Variants in TDRD7 observed in about 807,000 individuals in gnomAD.
TDRD7 encodes the protein tudor domain-containing protein 7.
Under a neutral mutation model 109.8 loss-of-function variants are expected in TDRD7, and 47 were observed. That is an observed-to-expected ratio of 0.43 (90% CI 0.34 to 0.55). The LOEUF is 0.55. TDRD7 is among the 20% of genes least tolerant of loss of function. The pLI is 0.03. For synonymous variants in TDRD7, 424 were observed against 457.3 expected (o/e 0.93, Z 0.93); for missense variants, 1,164 against 1,319.2 (o/e 0.88, Z 1.82).
At chr9:97,472,257 A>G (rs1440976569) in intron 9 of TDRD7, 36 bp from the exon 10 acceptor site, 3 of 1,567,764 alleles carry the variant, frequency 1.9e-6, no homozygotes, top group Admixed American at 1.7e-5. Context: ...TGATTTTTCT[A>G]ATTAAGTAGA....
chr9:97,420,502 G>A (rs182736538), intron 1 of TDRD7, among the ~76,000 whole-genome samples: 15 of 152,150 alleles, frequency 9.9e-5, no homozygotes, highest in East Asian at 7.7e-4. Context: ...CTGTAGTTTC[G>A]CCTTTTCCAG....
intron 16 of TDRD7, among the ~76,000 whole-genome samples, chr9:97,490,404 G>A (rs930010727): frequency 2.4e-4 from 36 of 152,124 alleles, no homozygotes; most frequent in African/African-American, 7.7e-4. Flanking sequence ...TGAAAAGTCA[G>A]ATGCTTCTCT....
At position 97,431,026 on chromosome 9, in the gene TDRD7, G is replaced by A. The variant is rs1828095983; in HGVS notation, c.301G>A (p.Val101Ile). The A allele has an allele frequency of 1.2e-6, 2 of 1,613,956 alleles. No individual in the cohort carries two copies. Among genetic ancestry groups the A allele is most frequent in the Non-Finnish European group, 1.7e-6 (2 of 1,179,880 alleles). ...RSSKRKTGRQ[V>I]NCQMRVKKTM... ...TTCTAAAAGGAAAACCGGGCGTCAA[G>A]TTAATTGTCAGATGAGAGTGAAGAA... Residue 101 changes from valine to isoleucine, a missense_variant, in exon 3 of 17, where the codon GTT (valine) becomes ATT (isoleucine). By Grantham distance (29) the Val-to-Ile change is conservative. Coordinates refer to ENST00000355295, the MANE Select transcript of TDRD7 (RefSeq NM_014290.3).
chr9:97,479,283 A>G (rs984879931), intron 13 of TDRD7, among the ~76,000 whole-genome samples: 17 of 151,982 alleles, frequency 1.1e-4, no homozygotes, highest in Admixed American at 3.3e-4. Context: ...TCCCATCACC[A>G]TTGCTTTTTC....
chr9:97,475,238 C>G (rs1430967633), intron 11 of TDRD7, 145 bp from the exon 12 acceptor site: 7 of 713,592 alleles, frequency 9.8e-6, no homozygotes, highest in East Asian at 2.7e-5. Context: ...GTTTTATAAC[C>G]CTGTGTGTTT....
At chr9:97,475,269 T>C (rs1828998363) in intron 11 of TDRD7, 114 bp from the exon 12 acceptor site, 2 of 802,734 alleles carry the variant, frequency 2.5e-6, no homozygotes, top group Non-Finnish European at 4.3e-6. Flanking sequence ...TTGCTGGAAG[T>C]CTGACTACAT....
rs753208423 is a variant in TDRD7, at chr9:97,464,849, G to A, written c.1450G>A (p.Gly484Ser). 1 of 1,614,074 alleles carries A rather than the reference G, an allele frequency of 6.2e-7. No homozygotes were observed. The highest frequency in any genetic ancestry group is 1.1e-5 in the South Asian group (1 of 91,078). The change falls in exon 8 of 17, where the codon GGC (glycine) becomes AGC (serine). Residue 484 changes from glycine to serine, a missense_variant. This residue lies in a region of TDRD7 where 261 missense variants were observed against 336.2 expected (regional missense o/e 0.78). Transcript: ENST00000355295. ...TTCTTTTAACTGATTCAGGTATGTG[G>A]GCAAAGACTATTCTGCTGCTCAGGA... ...NTNEVVIRYV[G>S]KDYSAAQELM...
chr9:97,465,837 C>T (rs1214060592), intron 8 of TDRD7, among the ~76,000 whole-genome samples: 1 of 151,966 alleles, frequency 6.6e-6, no homozygotes. Flanking sequence ...TCTTTTCTTT[C>T]TCGATTGTTA....
intron 5 of TDRD7, 130 bp from the exon 6 acceptor site, chr9:97,441,528 C>A: frequency 1.3e-6 from 1 of 768,236 alleles, no homozygotes; most frequent in Non-Finnish European, 2.2e-6. Flanking sequence ...CCTAATCCTG[C>A]TCCCTTCTAA....
chr9:97,418,363 T>C (rs1472303995), intron 1 of TDRD7, among the ~76,000 whole-genome samples: 1 of 151,902 alleles, frequency 6.6e-6, no homozygotes, highest in East Asian at 1.9e-4. Context: ...GGGCAAAGGA[T>C]AGAACAATTA....
chr9:97,467,960 G>C (rs1294936715), intron 8 of TDRD7, among the ~76,000 whole-genome samples: 1 of 152,220 alleles, frequency 6.6e-6, no homozygotes, highest in African/African-American at 2.4e-5. Context: ...ATAAGCTACT[G>C]GGTTTGGGGC....
chr9:97,472,109 CATTAT>C (rs1828926904), intron 9 of TDRD7, among the ~76,000 whole-genome samples, 179 bp from the exon 10 acceptor site: 1 of 151,994 alleles, frequency 6.6e-6, no homozygotes, highest in Admixed American at 6.6e-5. Context: ...AGGGCGTTTA[CATTAT>C]ATTTTTTTAA....
At chr9:97,414,189 T>C (rs756383313) in intron 1 of TDRD7, among the ~76,000 whole-genome samples, 11 of 152,250 alleles carry the variant, frequency 7.2e-5, no homozygotes, top group South Asian at 4.1e-4. Context: ...CTCTGTACTT[T>C]TGAAAGCTTC....
intron 2 of TDRD7, among the ~76,000 whole-genome samples, chr9:97,430,691 A>G (rs1828088063): frequency 6.6e-6 from 1 of 152,240 alleles, no homozygotes; most frequent in Non-Finnish European, 1.5e-5. Flanking sequence ...CTTAATACCT[A>G]TTTAAAAATA....
chr9:97,454,447 C>G (rs1275316571), intron 6 of TDRD7, among the ~76,000 whole-genome samples: 1 of 152,212 alleles, frequency 6.6e-6, no homozygotes, highest in Non-Finnish European at 1.5e-5. Context: ...TGCCACTGCA[C>G]TCCAGCCTGG....
intron 4 of TDRD7, among the ~76,000 whole-genome samples, chr9:97,437,229 A>C (rs554602736): frequency 4.6e-5 from 7 of 152,330 alleles, no homozygotes; most frequent in African/African-American, 1.7e-4. Flanking sequence ...AGGGTCTCTC[A>C]TGAGGCTGCT....
In TDRD7 at chr9:97,460,396, C is replaced by G; in HGVS notation, c.1074C>G (p.Ala358=). 1 of 1,614,166 alleles carries G rather than the reference C, an allele frequency of 6.2e-7. No individual in the cohort carries two copies. The highest frequency in any genetic ancestry group is 1.3e-5 in the African/African-American group (1 of 75,038). The part of the protein sequence containing the change: ...LLVKYTSGLW[A]SALPKAFEEM... ...TGAAATACACAAGTGGCCTTTGGGC[C>G]AGTGCACTTCCGAAAGCATTTGAGG... Residue 358 remains alanine, a synonymous_variant, in exon 7 of 17, where the codon GCC becomes GCG. Coordinates refer to ENST00000355295, the MANE Select transcript of TDRD7 (RefSeq NM_014290.3).
chr9:97,467,485 C>G (rs1177478700), intron 8 of TDRD7, among the ~76,000 whole-genome samples: 2 of 152,188 alleles, frequency 1.3e-5, no homozygotes, highest in Admixed American at 1.3e-4. Flanking sequence ...TTCAAACACT[C>G]CCATCGTGTT....
chr9:97,481,465 A>G (rs1031425611), intron 14 of TDRD7, among the ~76,000 whole-genome samples: 2 of 152,224 alleles, frequency 1.3e-5, no homozygotes, highest in Non-Finnish European at 2.9e-5. Context: ...AATCAAAAAC[A>G]TTGCTCATAT....
Sources: allele counts gnomAD v4.1 joint callset (sites outside exome capture counted in the v4.1 genomes callset), GRCh38; gene constraint gnomAD v4.1.1; regional missense constraint gnomAD v4.1.1; transcripts MANE v1.5; gene names NCBI Gene and HGNC (gene_info 2026-07-23, HGNC 2026-07-21).